The following KDM2B variants were observed in gnomAD, a reference collection of about 807,000 sequenced individuals.
KDM2B encodes lysine demethylase 2B.
A neutral mutation model predicts 150.0 loss-of-function variants in KDM2B; 26 were observed. The ratio of observed to expected loss-of-function variants is 0.17; its 90% confidence interval spans 0.13 to 0.24. KDM2B has a LOEUF of 0.24. KDM2B is among the 10% of genes least tolerant of loss of function. KDM2B has a pLI of 1.00. For missense variants in KDM2B, 1,265 were observed against 1,816.9 expected (o/e 0.70, Z 5.52); for synonymous variants, 734 against 729.5 (o/e 1.01, Z -0.10).
the KDM2B span, chr12:121,416,244 C>T: frequency 1.2e-6 from 2 of 1,614,114 alleles, no homozygotes. Context: ...CAGCAGTCAG[C>T]ATTTGCAGGA....
chr12:121,561,302 C>T (rs1890322721), intron 4 of KDM2B, among the ~76,000 whole-genome samples: 1 of 152,182 alleles, frequency 6.6e-6, no homozygotes, highest in Admixed American at 6.5e-5. Context: ...AACTCTTCCA[C>T]ATCACAGTTC....
At chr12:121,574,499 C>G in intron 4 of KDM2B, 48 bp downstream of exon 4, 1 of 1,592,652 alleles carries the variant, frequency 6.3e-7, no homozygotes, top group East Asian at 2.2e-5. Flanking sequence ...CCTCTTTCCC[C>G]TTCCCTACTT....
Position 121,430,896 on chromosome 12 carries a change from T to C in KDM2B, c.3830-427A>G, listed in dbSNP as rs1872888046. 6.6e-6 allele frequency among the ~76,000 whole-genome samples: 1 copy of C among 152,224 alleles called. No homozygotes were observed. The highest frequency in any genetic ancestry group is 1.5e-5 in the Non-Finnish European group (1 of 68,042). ...CATTTATTTGCCTCCTCCCTTCAGA[T>C]AAATTCCCAGAGGGGCATTGCTGGG... On this transcript the variant is annotated intron_variant, in intron 22 of 22. Transcript: ENST00000377071. This position sits in a 1 kb window ranked among gnomAD's most constrained non-coding sequence, Gnocchi z 4.4.
Position 121,440,796 on chromosome 12 carries a change from C to T in KDM2B, c.3610+20G>A. 1 of 1,592,242 alleles carries T rather than the reference C, an allele frequency of 6.3e-7. No homozygotes were observed. Among genetic ancestry groups the T allele is most frequent in the Non-Finnish European group, 8.6e-7 (1 of 1,168,632 alleles). ...CTCGCTCACCCCACCCCCACAGAAACCCCCAGCCTGGCAACTCACCTGGCC... is the reference window on the plus strand; with the variant it reads ...CTCGCTCACCCCACCCCCACAGAAATCCCCAGCCTGGCAACTCACCTGGCC... On this transcript the variant is annotated intron_variant, in intron 21 of 22. Transcript: ENST00000377071.
chr12:121,423,393 G>C, the KDM2B span: 1 of 1,604,622 alleles, frequency 6.2e-7, no homozygotes, highest in Non-Finnish European at 8.5e-7. The surrounding 1 kb of genome is among the most constrained non-coding windows in gnomAD (Gnocchi z 4.3). Flanking sequence ...CAGATGGCGA[G>C]CGGCTGCAGC....
chr12:121,509,452 G>GA, intron 11 of KDM2B, 115 bp downstream of exon 11: 1 of 1,497,116 alleles, frequency 6.7e-7, no homozygotes, highest in Non-Finnish European at 8.8e-7. Flanking sequence ...GCGCCCACCC[G>GA]AATGCTCAGA....
chr12:121,555,032 A>G (rs530844102), intron 4 of KDM2B, among the ~76,000 whole-genome samples: 1 of 152,272 alleles, frequency 6.6e-6, no homozygotes, highest in Non-Finnish European at 1.5e-5. Context: ...CAAAAAATTT[A>G]AAAATTATCT....
At chr12:121,568,619 T>C (rs1736946680) in intron 4 of KDM2B, among the ~76,000 whole-genome samples, 1 of 152,070 alleles carries the variant, frequency 6.6e-6, no homozygotes, top group South Asian at 2.1e-4. Context: ...TTCACTGGCA[T>C]AAAATGTGAA....
chr12:121,545,514 GT>G (rs1287790137), intron 6 of KDM2B, among the ~76,000 whole-genome samples: 7 of 152,058 alleles, frequency 4.6e-5, no homozygotes, highest in Non-Finnish European at 8.8e-5. Context: ...AATATGCTGA[GT>G]ATCTCAGGAA....
Position 121,509,763 on chromosome 12 carries a change from G to A in KDM2B, c.1451C>T (p.Thr484Ile), listed in dbSNP as rs1885416558. The stretch of plus-strand genomic sequence containing the variant: ...CTTGGGGTAGTCTACGGCCAATGTG[G>A]TGGACTTCACACTTTCCTCCGACTC... ...SNESEESVKS[T>I]TLAVDYPKTP... is the part of the protein sequence containing the mutation. The change falls in exon 11 of 23, where the codon ACC (threonine) becomes ATC (isoleucine). Residue 484 changes from threonine (T) to isoleucine (I), a missense_variant. Transcript: ENST00000377071. The A allele has an allele frequency of 1.2e-6, 2 of 1,614,134 alleles. No homozygotes were observed. Among genetic ancestry groups the A allele is most frequent in the East Asian group, 2.2e-5 (1 of 44,858 alleles).
intron 11 of KDM2B, among the ~76,000 whole-genome samples, chr12:121,497,140 GT>G (rs1884051492): frequency 6.6e-6 from 1 of 152,050 alleles, no homozygotes; most frequent in African/African-American, 2.4e-5. Flanking sequence ...GGCTCCAGGG[GT>G]TTAAATCCCA....
the KDM2B span, among the ~76,000 whole-genome samples, chr12:121,412,965 C>G: frequency 6.6e-6 from 1 of 151,930 alleles, no homozygotes; most frequent in Non-Finnish European, 1.5e-5. Flanking sequence ...TCTGCTCCCC[C>G]ACCTCTGCCT....
At chr12:121,504,463 G>T (rs1388527803) in intron 11 of KDM2B, among the ~76,000 whole-genome samples, 1 of 152,030 alleles carries the variant, frequency 6.6e-6, no homozygotes, top group African/African-American at 2.4e-5. Context: ...TGAGCCTGGG[G>T]GGTTGAGGCT....
intron 8 of KDM2B, among the ~76,000 whole-genome samples, chr12:121,523,091 A>G (rs1270706280): frequency 6.6e-6 from 1 of 152,226 alleles, no homozygotes; most frequent in East Asian, 1.9e-4. Context: ...GAGGAGAATC[A>G]ACCCCAATTC....
rs1872940269 is a variant in KDM2B, at chr12:121,431,196, C to T, written c.3830-727G>A. On this transcript the variant is annotated intron_variant, in intron 22 of 22. Transcript: ENST00000377071. ...ACCCAGGCTGGAGTGCAATGGTGCA[C>T]TCTTGGCTCACTGCAACCTCCGCCT... Among the ~76,000 whole-genome samples the T allele has an allele frequency of 2.0e-5, 3 of 151,378 alleles. No individual in the cohort carries two copies. In the South Asian group the frequency reaches 6.3e-4, roughly 32 times the overall value.
intron 4 of KDM2B, among the ~76,000 whole-genome samples, chr12:121,562,541 G>GT (rs1245971113): frequency 2.0e-5 from 3 of 152,052 alleles, no homozygotes; most frequent in Non-Finnish European, 2.9e-5. Flanking sequence ...TGAGAACTTA[G>GT]TTTTTCTCCA....
intron 6 of KDM2B, among the ~76,000 whole-genome samples, chr12:121,546,001 CCGACCACCTTGACTGGG>C (rs1889007875): frequency 6.6e-6 from 1 of 152,198 alleles, no homozygotes; most frequent in African/African-American, 2.4e-5. Flanking sequence ...AACACCTTCC[CCGACCACCTTGACTGGG>C]CGAATCTCCT....
At chr12:121,416,516 G>GA in the KDM2B span, 1 of 638,798 alleles carries the variant, frequency 1.6e-6, no homozygotes, top group East Asian at 2.8e-5. Context: ...TTTCCATCTA[G>GA]AAAAATACTT....
rs1891272703 is a variant in KDM2B, at chr12:121,573,551, A to AAAGTGCT, written c.397+995_397+996insAGCACTT. Among the ~76,000 whole-genome samples the AAAGTGCT allele has an allele frequency of 2.7e-5, 4 of 150,122 alleles. No homozygotes were observed. In the South Asian group the frequency reaches 8.4e-4, roughly 32 times the overall value. The stretch of plus-strand genomic sequence containing the variant: ...CAGCCTTCCAAAGTGCTGGGATTAC[A>AAAGTGCT]GGCGTGAGCCACCACCCTCGGCCTA... On this transcript the variant is annotated intron_variant, in intron 4 of 22. Coordinates refer to ENST00000377071, the MANE Select transcript of KDM2B (RefSeq NM_032590.5).
Sources: gnomAD v4.1 joint callset for allele counts (sites outside exome capture counted in the v4.1 genomes callset) on GRCh38, gnomAD v4.1.1 for gene constraint, Gnocchi (gnomAD v3.1) non-coding constraint, MANE v1.5 for transcripts, NCBI Gene and HGNC (gene_info 2026-07-23, HGNC 2026-07-21) for gene names.